Variants in NOL4 observed in about 807,000 individuals in gnomAD.
The protein encoded by NOL4 is nucleolar protein 4.
Under a neutral mutation model 75.9 loss-of-function variants are expected in NOL4, and 17 were observed. The observed-to-expected ratio is 0.22, with a 90% CI of 0.15 to 0.34. The LOEUF (loss-of-function observed/expected upper bound fraction) is 0.34. Ranked by LOEUF, NOL4 falls within the 10% of genes least tolerant of loss-of-function variation. The probability of loss-of-function intolerance (pLI) is 1.00; values close to 1 mark genes in which losing one functional copy is unlikely to be tolerated. For synonymous variants in NOL4, 292 were observed against 289.9 expected, an observed-to-expected ratio of 1.01 and a Z score of -0.07; for missense variants, 614 against 793.5, an observed-to-expected ratio of 0.77 and a Z score of 2.72.
At chr18:34,065,004 T>C (rs559448461) in intron 5 of NOL4, among the ~76,000 whole-genome samples, 1 of 151,966 alleles carries the variant, frequency 6.6e-6, no homozygotes, top group Admixed American at 6.6e-5. Flanking sequence ...CAATAGTTAC[T>C]TGCATAATCT....
intron 2 of NOL4, among the ~76,000 whole-genome samples, chr18:34,115,731 T>TTC (rs1452602627): frequency 6.6e-6 from 1 of 152,066 alleles, no homozygotes; most frequent in East Asian, 1.9e-4. Context: ...TTTCGGGGAC[T>TTC]TCTCTCTGCA....
chr18:33,920,798 T>A (rs1261006960), intron 9 of NOL4, among the ~76,000 whole-genome samples: 1 of 152,174 alleles, frequency 6.6e-6, no homozygotes, highest in African/African-American at 2.4e-5. Context: ...GCAGAAAAAC[T>A]GTCAGCCCAG....
intron 5 of NOL4, among the ~76,000 whole-genome samples, chr18:34,036,045 T>C (rs575547235): frequency 2.0e-5 from 3 of 151,812 alleles, no homozygotes; most frequent in East Asian, 3.9e-4. Flanking sequence ...CCACCAAAGA[T>C]ATAAAGAAGA....
chr18:33,962,013 C>T (rs117644073), intron 6 of NOL4, among the ~76,000 whole-genome samples: 44 of 152,220 alleles, frequency 2.9e-4, no homozygotes, highest in Non-Finnish European at 5.3e-4. Context: ...CTCGCTCTAC[C>T]AGGTAAAATT....
At chr18:33,869,922 T>C (rs1036674745) in intron 10 of NOL4, among the ~76,000 whole-genome samples, 3 of 152,124 alleles carry the variant, frequency 2.0e-5, no homozygotes, top group South Asian at 2.1e-4. Context: ...GACAGCATAA[T>C]TTCTTGTATA....
intron 9 of NOL4, among the ~76,000 whole-genome samples, chr18:33,884,340 T>TA: frequency 6.6e-6 from 1 of 152,204 alleles, no homozygotes; most frequent in Non-Finnish European, 1.5e-5. Context: ...CTGATTCCAT[T>TA]ACATGCGTTA....
At chr18:34,052,069 AG>A (rs2076646231) in intron 5 of NOL4, among the ~76,000 whole-genome samples, 1 of 152,020 alleles carries the variant, frequency 6.6e-6, no homozygotes, top group Non-Finnish European at 1.5e-5. Flanking sequence ...ATATGTAAAA[AG>A]GTTCTTATCT....
At chr18:33,888,217 C>G (rs755874580) in intron 9 of NOL4, among the ~76,000 whole-genome samples, 13 of 152,076 alleles carry the variant, frequency 8.5e-5, no homozygotes, top group Non-Finnish European at 1.6e-4. Context: ...GCATGAATGT[C>G]TTCTTTTGAG....
At chr18:34,137,651 G>A (rs1323645754) in intron 1 of NOL4, among the ~76,000 whole-genome samples, 2 of 152,026 alleles carry the variant, frequency 1.3e-5, no homozygotes, top group Non-Finnish European at 2.9e-5. Context: ...GGAAAAACTG[G>A]AATCCTCATA....
Position 34,104,032 on chromosome 18 carries a change from A to T in NOL4, c.639+15T>A, listed in dbSNP as rs373920793. On this transcript the variant is annotated intron_variant, in intron 4 of 10. Coordinates refer to ENST00000261592, the MANE Select transcript of NOL4 (RefSeq NM_003787.5). The stretch of plus-strand genomic sequence containing the variant: ...CAATTTGTAAGTAATACAAATGTAG[A>T]TGTTTTTATTTTACCTCATCTTGCT... 3.0e-5 allele frequency: 46 copies of T among 1,538,950 alleles called. No homozygotes were observed. In the African/African-American group the frequency reaches 3.7e-4, roughly 12 times the overall value.
intron 8 of NOL4, among the ~76,000 whole-genome samples, chr18:33,957,060 T>G (rs2069703171): frequency 1.3e-5 from 2 of 152,004 alleles, no homozygotes; most frequent in South Asian, 2.1e-4. Flanking sequence ...TTTACTCATA[T>G]CACCTTTATT....
At chr18:34,114,513 T>C (rs2079757368) in intron 2 of NOL4, among the ~76,000 whole-genome samples, 1 of 152,200 alleles carries the variant, frequency 6.6e-6, no homozygotes, top group Non-Finnish European at 1.5e-5. Context: ...TTAAAACTAA[T>C]GACCTAACAT....
chr18:33,940,637 T>C (rs904694461), intron 9 of NOL4, among the ~76,000 whole-genome samples: 4 of 151,922 alleles, frequency 2.6e-5, no homozygotes, highest in Non-Finnish European at 5.9e-5. Context: ...CCATGGCACA[T>C]GTATACCTAT....
intron 8 of NOL4, among the ~76,000 whole-genome samples, chr18:33,948,939 T>C (rs1260840640): frequency 6.6e-6 from 1 of 152,034 alleles, no homozygotes; most frequent in Non-Finnish European, 1.5e-5. Flanking sequence ...TCTGAAGCTC[T>C]AATATTGTAT....
intron 5 of NOL4, among the ~76,000 whole-genome samples, chr18:34,066,553 T>A (rs2077283060): frequency 6.6e-6 from 1 of 152,014 alleles, no homozygotes; most frequent in Non-Finnish European, 1.5e-5. Context: ...ACCCCAACCT[T>A]TCAAAGCAGC....
chr18:33,952,605 AC>A (rs2145680121), intron 8 of NOL4, among the ~76,000 whole-genome samples: 1 of 152,316 alleles, frequency 6.6e-6, no homozygotes, highest in African/African-American at 2.4e-5. Flanking sequence ...AAAAGGTCAT[AC>A]GCTAAAACAT....
At chr18:33,955,265 TA>T (rs2145709336) in intron 8 of NOL4, among the ~76,000 whole-genome samples, 1 of 152,236 alleles carries the variant, frequency 6.6e-6, no homozygotes, top group South Asian at 2.1e-4. Flanking sequence ...GTTAAAAAGT[TA>T]ATAGCAAGTG....
rs898605473 is a variant in NOL4, at chr18:34,100,091, C to A, written c.639+3956G>T. Among the ~76,000 whole-genome samples the A allele has an allele frequency of 7.3e-5, 11 of 150,892 alleles. No individual in the cohort carries two copies. The South Asian group carries it at 2.3e-3, about 32-fold the overall frequency. ...TTAGGAGCAAACAGCAGAACAATTC[C>A]ATAATCTCCACCACTATTTCCATTC... On this transcript the variant is annotated intron_variant, in intron 4 of 10. Coordinates refer to ENST00000261592, the MANE Select transcript of NOL4 (RefSeq NM_003787.5).
intron 8 of NOL4, among the ~76,000 whole-genome samples, chr18:33,946,229 C>T (rs1353822846): frequency 6.6e-6 from 1 of 151,520 alleles, no homozygotes; most frequent in East Asian, 1.9e-4. Context: ...TGTACTATAT[C>T]TCAATAATGT....
Sources: allele counts gnomAD v4.1 joint callset (sites outside exome capture counted in the v4.1 genomes callset), GRCh38; gene constraint gnomAD v4.1.1; transcripts MANE v1.5; gene names NCBI Gene and HGNC (gene_info 2026-07-23, HGNC 2026-07-21).